SIAE: variants seen among roughly 807,000 people sequenced by gnomAD.
SIAE encodes the protein sialic acid acetylesterase, also known as sialate O-acetylesterase.
In SIAE, 39 loss-of-function variants were observed where a neutral mutation model predicts 52.6. That is an observed-to-expected ratio of 0.74 (90% CI 0.57 to 0.97). The LOEUF (loss-of-function observed/expected upper bound fraction) is 0.97, where lower values mean the gene tolerates loss of function less well. SIAE is among the 50% of genes least tolerant of loss of function. SIAE has a pLI of 0.00. For missense variants in SIAE, 592 were observed against 662.1 expected (o/e 0.89, Z 1.16); for synonymous variants, 233 against 241.4 (o/e 0.97, Z 0.32).
chr11:124,654,602 C>T (rs1591390155), intron 4 of SIAE, 53 bp downstream of exon 4: 1 of 1,613,702 alleles, frequency 6.2e-7, no homozygotes, highest in Admixed American at 1.7e-5. Context: ...ACAGATTCCA[C>T]TTAGGGCGCT....
At position 124,636,664 on chromosome 11, in the gene SIAE, T is replaced by G. The variant is rs1352841485; in HGVS notation, c.*287A>C. ...GGGGCAAAAGTATTAGACATTTCAC[T>G]CCCATTAATATGAGGGAAGTAAATG... On this transcript the variant is annotated 3_prime_UTR_variant, in exon 10 of 10. Coordinates refer to ENST00000263593, the MANE Select transcript of SIAE (RefSeq NM_170601.5). 4.5e-6 allele frequency: 2 copies of G among 448,858 alleles called. No homozygotes were observed. Among genetic ancestry groups the G allele is most frequent in the Non-Finnish European group, 8.2e-6 (2 of 243,950 alleles). 27.8% of individuals were successfully genotyped at this position (448,858 alleles called of 1,614,324 possible).
At chr11:124,664,022 C>A (rs185152357) in intron 2 of SIAE, among the ~76,000 whole-genome samples, 2 of 152,320 alleles carry the variant, frequency 1.3e-5, no homozygotes, top group Admixed American at 1.3e-4. Context: ...GCATTCAAAT[C>A]TCTGCTTCCT....
chr11:124,649,550 G>A, intron 5 of SIAE, 69 bp downstream of exon 5: 1 of 1,547,524 alleles, frequency 6.5e-7, no homozygotes, highest in East Asian at 2.2e-5. Flanking sequence ...TCCCCACAGA[G>A]GACGATGACC....
In SIAE at chr11:124,636,780, C is replaced by T; in HGVS notation, c.*171G>A. On this transcript the variant is annotated 3_prime_UTR_variant, in exon 10 of 10. Transcript: ENST00000263593. ...AACAAAAAGCAAGCATTTCAAGTTA[C>T]CTATAAGCCTGGGCTCATCAGAATA... The T allele has an allele frequency of 1.1e-6, 1 of 911,262 alleles. No homozygotes were observed. Among genetic ancestry groups the T allele is most frequent in the Non-Finnish European group, 1.7e-6 (1 of 589,940 alleles). 56.4% of individuals were successfully genotyped at this position (911,262 alleles called of 1,614,324 possible).
At chr11:124,673,831 G>T (rs1375594500), upstream of SIAE, 2 of 1,139,578 alleles carry the variant, frequency 1.8e-6, no homozygotes, top group Non-Finnish European at 2.6e-6. Flanking sequence ...GCGACCTCAG[G>T]ACTGGGCTGT....
At position 124,637,049 on chromosome 11, in the gene SIAE, A is replaced by C. The variant is rs1173840322; in HGVS notation, c.1474T>G (p.Cys492Gly). 1.4e-5 allele frequency: 23 copies of C among 1,614,182 alleles called. No homozygotes were observed. Among genetic ancestry groups the C allele is most frequent in the Non-Finnish European group, 1.9e-5 (23 of 1,180,018 alleles). The change falls in exon 10 of 10, where the codon TGT (cysteine) becomes GGT (glycine). Residue 492 changes from cysteine to glycine, a missense_variant. Physicochemically the swap from Cys to Gly is radical, Grantham distance 159. Coordinates refer to ENST00000263593, the MANE Select transcript of SIAE (RefSeq NM_170601.5). ...GCACTACTGGGGTGGTATAGGGGAC[A>C]CTGCTTATATTCACAAGGCCACGTG... is the stretch of plus-strand genomic sequence containing the variant. ...WTTWPCEYKQ[C>G]PLYHPSSALP...
chr11:124,636,924 A>G lies in SIAE; in HGVS notation c.*27T>C, dbSNP rs1942753237. ...TAAAATCTGAAGGACCCATCCTTAT[A>G]TCTAAGTTCTGATCATACTGAAACA... On this transcript the variant is annotated 3_prime_UTR_variant, in exon 10 of 10. Coordinates refer to ENST00000263593, the MANE Select transcript of SIAE (RefSeq NM_170601.5). The G allele has an allele frequency of 1.2e-6, 2 of 1,614,142 alleles. No homozygotes were observed. The highest frequency in any genetic ancestry group is 4.5e-5 in the East Asian group (2 of 44,886).
chr11:124,669,405 G>A lies in SIAE; in HGVS notation c.184C>T (p.Arg62Cys), dbSNP rs758338728. Residue 62 changes from arginine (R) to cysteine (C), a missense_variant, in exon 2 of 10, where the codon CGC becomes TGC. Physicochemically the swap from Arg to Cys is radical, Grantham distance 180. Coordinates refer to ENST00000263593, the MANE Select transcript of SIAE (RefSeq NM_170601.5). The part of the protein sequence containing the change: ...TPGATVTVTL[R>C]QGQETIMKKV... ...TTCATGATGGTTTCCTGACCTTGGC[G>A]CAGGGTCACGGTCACTGTGGCTCCA... 12 of 1,614,032 alleles carry A rather than the reference G, an allele frequency of 7.4e-6. No homozygotes were observed. The highest frequency in any genetic ancestry group is 1.0e-5 in the Non-Finnish European group (12 of 1,180,042).
chr11:124,671,354 T>C (rs544941012), intron 1 of SIAE, among the ~76,000 whole-genome samples: 1 of 151,960 alleles, frequency 6.6e-6, no homozygotes, highest in South Asian at 2.1e-4. Context: ...GCATTGGGGA[T>C]ATAACGATGA....
In SIAE at chr11:124,660,767, A is replaced by C. The variant is rs985249284; in HGVS notation, c.266T>G (p.Met89Arg). The change falls in exon 3 of 10, where the codon ATG becomes AGG. Residue 89 changes from methionine to arginine, a missense_variant. Coordinates refer to ENST00000263593, the MANE Select transcript of SIAE (RefSeq NM_170601.5). The stretch of plus-strand genomic sequence containing the variant: ...CACTTCGAAAGGTCCTCCAGGCTTC[A>C]TAGGATCCAGTACCACCATCCACGT... ...SDTWMVVLDP[M>R]KPGGPFEVMA... 3 of 1,614,220 alleles carry C rather than the reference A, an allele frequency of 1.9e-6. No individual in the cohort carries two copies. Among genetic ancestry groups the C allele is most frequent in the Non-Finnish European group, 2.5e-6 (3 of 1,180,038 alleles).
At chr11:124,675,551 CT>C, upstream of SIAE, 1 of 904,868 alleles carries the variant, frequency 1.1e-6, no homozygotes, top group Non-Finnish European at 1.6e-6. Context: ...ACAGTTCTTG[CT>C]CTTTGAAACA....
chr11:124,670,685 T>A lies in SIAE; in HGVS notation c.68-1164A>T, dbSNP rs2134395016. On this transcript the variant is annotated intron_variant, in intron 1 of 9. Transcript: ENST00000263593. The surrounding 1 kb of genome is among the most constrained non-coding windows in gnomAD (Gnocchi z 4.5). ...GGGCAGCACAGCTAATGGAGTCGCC[T>A]ACACAGCTCCGTGGCCTATTTATCC... Among the ~76,000 whole-genome samples the A allele has an allele frequency of 6.6e-6, 1 of 152,312 alleles. No homozygotes were observed. The highest frequency in any genetic ancestry group is 2.1e-4 in the South Asian group (1 of 4,824).
At chr11:124,646,450 G>A (rs1162703182) in intron 7 of SIAE, among the ~76,000 whole-genome samples, 1 of 152,116 alleles carries the variant, frequency 6.6e-6, no homozygotes, top group Non-Finnish European at 1.5e-5. Context: ...CTAATATGTA[G>A]GCTGTCTGGG....
At chr11:124,654,337 AGGG>A (rs1206635434) in intron 4 of SIAE, 2 of 985,306 alleles carry the variant, frequency 2.0e-6, no homozygotes, top group Non-Finnish European at 2.4e-6. Flanking sequence ...CACAGAGACA[AGGG>A]AAGAAAGAAG....
At chr11:124,642,261 G>C (rs1942861493) in intron 7 of SIAE, among the ~76,000 whole-genome samples, 4 of 152,184 alleles carry the variant, frequency 2.6e-5, no homozygotes, top group Admixed American at 1.3e-4. Flanking sequence ...GTTCCAGAAA[G>C]AGCCTGTGAA....
intron 7 of SIAE, among the ~76,000 whole-genome samples, chr11:124,642,632 A>G (rs949323802): frequency 9.2e-5 from 14 of 152,218 alleles, no homozygotes; most frequent in Admixed American, 2.0e-4. Context: ...TCCTTATACA[A>G]TACTCTCCTC....
intron 7 of SIAE, among the ~76,000 whole-genome samples, chr11:124,641,449 T>C (rs1942844352): frequency 6.6e-6 from 1 of 152,190 alleles, no homozygotes; most frequent in Non-Finnish European, 1.5e-5. Context: ...AAGGCAAGTG[T>C]TTGTATAGTT....
intron 3 of SIAE, 106 bp downstream of exon 3, chr11:124,660,522 C>G (rs769585567): frequency 9.1e-7 from 1 of 1,104,406 alleles, no homozygotes; most frequent in African/African-American, 1.5e-5. Flanking sequence ...TCATGGTACT[C>G]ACTAAATAGA....
chr11:124,675,596 G>A (rs767776425), upstream of SIAE: 14 of 585,846 alleles, frequency 2.4e-5, no homozygotes, highest in South Asian at 7.5e-5. Context: ...TCTTAAATTC[G>A]TTTCATATTA....
Sources: allele counts gnomAD v4.1 joint callset (sites outside exome capture counted in the v4.1 genomes callset), GRCh38; gene constraint gnomAD v4.1.1; non-coding constraint Gnocchi (gnomAD v3.1); transcripts MANE v1.5; gene names NCBI Gene and HGNC (gene_info 2026-07-23, HGNC 2026-07-21).